ECH1: variants seen among roughly 807,000 people sequenced by gnomAD.
ECH1 encodes the protein delta(3,5)-Delta(2,4)-dienoyl-CoA isomerase, mitochondrial.
In ECH1, 30 loss-of-function variants were observed where a neutral mutation model predicts 37.0. The observed-to-expected ratio is 0.81, with a 90% CI of 0.61 to 1.10. The LOEUF is 1.10. ECH1 is among the 50% of genes least tolerant of loss of function. The pLI is 0.00. For synonymous variants in ECH1, 178 were observed against 176.0 expected (o/e 1.01, Z -0.09); for missense variants, 456 against 441.6 (o/e 1.03, Z -0.29).
rs369357433 is a variant in ECH1, at chr19:38,816,440, C to A, written c.659+13G>T. On this transcript the variant is annotated intron_variant, in intron 7 of 9. Coordinates refer to ENST00000221418, the MANE Select transcript of ECH1 (RefSeq NM_001398.3). ...GGGTCTCCTGCCCACACCCCCACAC[C>A]CCCTGCACCCACCTCTGGTTCCCGA... 1.1e-5 allele frequency: 18 copies of A among 1,614,002 alleles called. No homozygotes were observed. In the African/African-American group the frequency reaches 2.3e-4, roughly 20 times the overall value.
chr19:38,818,357 T>C, intron 3 of ECH1: 1 of 985,416 alleles, frequency 1.0e-6, no homozygotes, highest in African/African-American at 1.7e-5. Flanking sequence ...GAATCTGACC[T>C]TTCCTGCATC....
At chr19:38,829,437 G>C (rs1971786497) in intron 3 of ECH1, among the ~76,000 whole-genome samples, 1 of 151,972 alleles carries the variant, frequency 6.6e-6, no homozygotes, top group African/African-American at 2.4e-5. Context: ...CTCCAGCCTG[G>C]GTGACAAAGC....
intron 3 of ECH1, 107 bp downstream of exon 3, chr19:38,830,971 A>AAAT: frequency 1.0e-6 from 1 of 971,534 alleles, no homozygotes; most frequent in Non-Finnish European, 1.5e-6. Flanking sequence ...AAAAAAAAAA[A>AAAT]GTGTGTAAGT....
chr19:38,817,888 G>C, intron 3 of ECH1: 1 of 337,038 alleles, frequency 3.0e-6, no homozygotes, highest in Non-Finnish European at 4.2e-6. Flanking sequence ...GGTCACACTG[G>C]CTGGTGAGTA....
chr19:38,819,893 G>A (rs889432466), intron 3 of ECH1, among the ~76,000 whole-genome samples: 2 of 151,714 alleles, frequency 1.3e-5, no homozygotes, highest in African/African-American at 4.8e-5. Context: ...TGCAGGCTGC[G>A]GTCAGCTATG....
In ECH1 at chr19:38,831,380, C is replaced by T. The variant is rs990449856; in HGVS notation, c.189G>A (p.Ala63=). ...HSYESLRVTS[A]QKHVLHVQLN... The stretch of plus-strand genomic sequence containing the variant: ...GCTGGACATGCAGAACATGTTTCTG[C>T]GCAGACGTCACACGAAGGGACTCAT... The change falls in exon 2 of 10, where the codon GCG becomes GCA. Residue 63 remains alanine, a synonymous_variant. Transcript: ENST00000221418. The T allele has an allele frequency of 6.2e-7, 1 of 1,613,996 alleles. No homozygotes were observed. The highest frequency in any genetic ancestry group is 1.7e-5 in the Admixed American group (1 of 60,008).
In ECH1 at chr19:38,829,152, C is replaced by T. The variant is rs543815791; in HGVS notation, c.349+1926G>A. Among the ~76,000 whole-genome samples, 6 of 151,290 alleles carry T rather than the reference C, an allele frequency of 4.0e-5. No individual in the cohort carries two copies. The South Asian group carries it at 1.3e-3, about 32-fold the overall frequency. ...ATATAAAAATTAGCCAGGCGTGGTG[C>T]CGGGTGCCTGTAATCACAAGTACTC... On this transcript the variant is annotated intron_variant, in intron 3 of 9. Coordinates refer to ENST00000221418, the MANE Select transcript of ECH1 (RefSeq NM_001398.3).
chr19:38,819,259 G>A (rs1452196126), intron 3 of ECH1: 1 of 981,922 alleles, frequency 1.0e-6, no homozygotes, highest in Non-Finnish European at 1.2e-6. Context: ...AGGAGAGGGA[G>A]GGAGCCAAGG....
Position 38,831,323 on chromosome 19 carries a change from G to C in ECH1, c.246C>G (p.Asn82Lys). Residue 82 changes from asparagine to lysine, a missense_variant, in exon 2 of 10, where the codon AAC (asparagine) becomes AAG (lysine). Physicochemically the swap from Asn to Lys is moderately conservative, Grantham distance 94 (BLOSUM62 0). Transcript: ENST00000221418. Reference protein sequence around the residue: ...LNRPNKRNAMNKVFWREMVEC... With the variant: ...LNRPNKRNAMKKVFWREMVEC... ...GCAGGTCAGACCTCCAGAAGACCTT[G>C]TTCATGGCATTCCTCTTGTTGGGCC... is the stretch of plus-strand genomic sequence containing the variant. The C allele has an allele frequency of 6.2e-7, 1 of 1,612,064 alleles. No individual in the cohort carries two copies. The highest frequency in any genetic ancestry group is 8.5e-7 in the Non-Finnish European group (1 of 1,178,540).
chr19:38,830,359 G>C (rs907892072), intron 3 of ECH1, among the ~76,000 whole-genome samples: 1 of 152,190 alleles, frequency 6.6e-6, no homozygotes, highest in African/African-American at 2.4e-5. Flanking sequence ...CACAGCTATA[G>C]GCTGAGAGGT....
chr19:38,815,671 G>A lies in ECH1; in HGVS notation c.929C>T (p.Ser310Leu), dbSNP rs1307317818. ...CTTGTTCTCAGTCGTGGCCTGGACC[G>A]ACTTCACGAGGTCTTGGGTCTGCAG... ...SMLQTQDLVK[S>L]VQATTENKEL... Residue 310 changes from serine (S) to leucine (L), a missense_variant, in exon 10 of 10, where the codon TCG becomes TTG. Physicochemically the swap from Ser to Leu is moderately radical, Grantham distance 145 (BLOSUM62 -2). Coordinates refer to ENST00000221418, the MANE Select transcript of ECH1 (RefSeq NM_001398.3). 5 of 1,614,084 alleles carry A rather than the reference G, an allele frequency of 3.1e-6. No individual in the cohort carries two copies. In the South Asian group the frequency reaches 4.4e-5, roughly 14 times the overall value.
intron 4 of ECH1, 22 bp from the exon 5 acceptor site, chr19:38,817,386 G>A: frequency 3.1e-6 from 5 of 1,603,976 alleles, no homozygotes; most frequent in Non-Finnish European, 3.4e-6. Flanking sequence ...CAGGAAGAGT[G>A]GGGTCAGGGC....
Position 38,817,463 on chromosome 19 carries a change from G to A in ECH1, c.462C>T (p.Asn154=), listed in dbSNP as rs145722539. The A allele has an allele frequency of 4.3e-6, 7 of 1,613,802 alleles. No homozygotes were observed. Among genetic ancestry groups the A allele is most frequent in the East Asian group, 4.5e-5 (2 of 44,884 alleles). The change falls in exon 4 of 10, where the codon AAC becomes AAT. Residue 154 remains asparagine (N), a synonymous_variant. Coordinates refer to ENST00000221418, the MANE Select transcript of ECH1 (RefSeq NM_001398.3). The stretch of plus-strand genomic sequence containing the variant: ...CCCCTAGAGTCACCCTCTCGATGAC[G>A]TTGAAGGTCTCCTGGTATCGAGTGA... ...DIITRYQETF[N]VIERCPKPVI...
intron 9 of ECH1, 68 bp from the exon 10 acceptor site, chr19:38,815,785 A>C (rs2075588): frequency 0.45 from 725,790 of 1,612,754 alleles, 169,304 homozygotes; most frequent in African/African-American, 0.75. Context: ...ATAAAGCATG[A>C]GAGCACCCTG....
In ECH1 at chr19:38,831,390, A is replaced by G. The variant is rs1275814912; in HGVS notation, c.179T>C (p.Val60Ala). 1 of 1,613,930 alleles carries G rather than the reference A, an allele frequency of 6.2e-7. No individual in the cohort carries two copies. The highest frequency in any genetic ancestry group is 8.5e-7 in the Non-Finnish European group (1 of 1,180,030). The change falls in exon 2 of 10, where the codon GTG becomes GCG. Residue 60 changes from valine to alanine, a missense_variant. Transcript: ENST00000221418. ...APDHSYESLRVTSAQKHVLHV... is the reference protein window; with the variant it reads ...APDHSYESLRATSAQKHVLHV... ...CAGAACATGTTTCTGCGCAGACGTC[A>G]CACGAAGGGACTCATAGCTGTGGTC...
At chr19:38,818,504 T>C (rs1258483667) in intron 3 of ECH1, 2 of 588,256 alleles carry the variant, frequency 3.4e-6, no homozygotes, top group African/African-American at 2.0e-5. Context: ...TTTTTTTTAT[T>C]TCAGACAGAG....
At chr19:38,824,665 G>A (rs561461066) in intron 3 of ECH1, among the ~76,000 whole-genome samples, 1 of 152,266 alleles carries the variant, frequency 6.6e-6, no homozygotes, top group South Asian at 2.1e-4. Context: ...AAGGCAAATG[G>A]AGTGAAATAC....
chr19:38,830,267 A>G (rs2145390816), intron 3 of ECH1, among the ~76,000 whole-genome samples: 1 of 152,344 alleles, frequency 6.6e-6, no homozygotes, highest in East Asian at 1.9e-4. Context: ...GGGTCAATCC[A>G]AAGATCCAAC....
At chr19:38,816,980 C>T (rs1050360204) in intron 6 of ECH1, 85 bp downstream of exon 6, 7 of 1,448,862 alleles carry the variant, frequency 4.8e-6, no homozygotes, top group South Asian at 1.2e-5. Flanking sequence ...TCCGACTCTT[C>T]CATGAAGCCC....
Sources: gnomAD v4.1 joint callset for allele counts (sites outside exome capture counted in the v4.1 genomes callset) on GRCh38, gnomAD v4.1.1 for gene constraint, MANE v1.5 for transcripts, NCBI Gene and HGNC (gene_info 2026-07-23, HGNC 2026-07-21) for gene names.